CFAP100: variants seen among roughly 807,000 people sequenced by gnomAD.
The protein encoded by CFAP100 is cilia and flagella associated protein 100, also known as cilia- and flagella-associated protein 100.
CFAP100 carries 70 observed loss-of-function variants against 81.5 expected under a neutral mutation model. The observed-to-expected ratio is 0.86, with a 90% CI of 0.71 to 1.05. CFAP100 has a LOEUF of 1.05. Ranked by LOEUF, CFAP100 falls within the 50% of genes least tolerant of loss-of-function variation. The probability of loss-of-function intolerance (pLI) is 0.00; values close to 1 mark genes in which losing one functional copy is unlikely to be tolerated. For missense variants in CFAP100, 811 were observed against 776.5 expected, an observed-to-expected ratio of 1.04 and a Z score of -0.53; for synonymous variants, 341 against 314.8, an observed-to-expected ratio of 1.08 and a Z score of -0.88.
rs1273187349 is a variant in CFAP100 at position 126,418,457 on chromosome 3, G to T, written c.419-1G>T. 6.2e-7 allele frequency: 1 copy of T among 1,614,038 alleles called. No homozygotes were observed. Among genetic ancestry groups the T allele is most frequent in the Admixed American group, 1.7e-5 (1 of 60,026 alleles). On this transcript the variant is annotated splice_acceptor_variant, in intron 5 of 16. Coordinates refer to ENST00000352312, the MANE Select transcript of CFAP100 (RefSeq NM_182628.3). LOFTEE classifies it high-confidence loss of function. ...TGCTCACCTCCCTCTTCTTCCAGCA[G>T]AAAAGAATGTGGAGCCTGAGAACAT...
intron 3 of CFAP100, among the ~76,000 whole-genome samples, chr3:126,411,562 A>T (rs2083156756): frequency 6.6e-6 from 1 of 150,728 alleles, no homozygotes; most frequent in African/African-American, 2.4e-5. Context: ...TTTTGTTGGC[A>T]ATTTTTAAAT....
intron 13 of CFAP100, among the ~76,000 whole-genome samples, chr3:126,431,248 A>T (rs1197804692): frequency 1.3e-5 from 2 of 152,224 alleles, no homozygotes; most frequent in African/African-American, 4.8e-5. Flanking sequence ...GGGTGCTATC[A>T]GCCCCTGTGC....
In CFAP100 at chr3:126,418,751, C is replaced by T. The variant is rs1475485072; in HGVS notation, c.627C>T (p.Cys209=). The T allele has an allele frequency of 6.3e-7, 1 of 1,595,642 alleles. No homozygotes were observed. Among genetic ancestry groups the T allele is most frequent in the South Asian group, 1.1e-5 (1 of 87,798 alleles). ...ACGAGTTCGTCAGGGAGAATGACTG[C>T]AGCTCCGTGCAGGCCATGAGAGCGT... is the stretch of plus-strand genomic sequence containing the variant. The part of the protein sequence containing the change: ...LFDEFVREND[C]SSVQAMRAAE... The change falls in exon 7 of 17, where the codon TGC becomes TGT. Residue 209 remains cysteine (C), a synonymous_variant. Transcript: ENST00000352312.
At chr3:126,424,203 C>T (rs532877508) in intron 13 of CFAP100, among the ~76,000 whole-genome samples, 41 of 152,326 alleles carry the variant, frequency 2.7e-4, no homozygotes, top group Non-Finnish European at 5.0e-4. Flanking sequence ...TGGGTGCAGC[C>T]CTGAGCACGA....
intron 2 of CFAP100, among the ~76,000 whole-genome samples, chr3:126,405,704 G>C (rs1184455619): frequency 6.6e-6 from 1 of 152,106 alleles, no homozygotes; most frequent in African/African-American, 2.4e-5. Context: ...TAGGTAGCAA[G>C]AGCTTCAGGT....
chr3:126,408,831 G>C (rs1560066002), intron 3 of CFAP100, among the ~76,000 whole-genome samples: 4 of 152,182 alleles, frequency 2.6e-5, no homozygotes. Context: ...CACCCAGGCT[G>C]AGGTGCAGGT....
In CFAP100 at chr3:126,410,188, G is replaced by A. The variant is rs567344868; in HGVS notation, c.130+2936G>A. 7.9e-5 allele frequency among the ~76,000 whole-genome samples: 12 copies of A among 152,202 alleles called. No homozygotes were observed. In the East Asian group the frequency reaches 1.5e-3, roughly 20 times the overall value. On this transcript the variant is annotated intron_variant, in intron 3 of 16. Coordinates refer to ENST00000352312, the MANE Select transcript of CFAP100 (RefSeq NM_182628.3). ...TGCACTCCAGTCTGGGCAAAAGAGC[G>A]AGACTCCGTCTCAAAAAAAAAAGTT... is the stretch of plus-strand genomic sequence containing the variant.
Position 126,416,358 on chromosome 3 carries a change from A to G in CFAP100, c.268A>G (p.Thr90Ala), listed in dbSNP as rs1328753331. The stretch of plus-strand genomic sequence containing the variant: ...GACGATGCGGGTGCACCAGAAGATG[A>G]CCTACTCCTCGAAAGTGTCGGCTAA... ...QKTMRVHQKM[T>A]YSSKVSAKHT... Residue 90 changes from threonine (T) to alanine (A), a missense_variant, in exon 5 of 17, where the codon ACC (threonine) becomes GCC (alanine). Physicochemically the swap from Thr to Ala is moderately conservative, Grantham distance 58 (BLOSUM62 0). Coordinates refer to ENST00000352312, the MANE Select transcript of CFAP100 (RefSeq NM_182628.3). 1 of 1,608,860 alleles carries G rather than the reference A, an allele frequency of 6.2e-7. No homozygotes were observed. The highest frequency in any genetic ancestry group is 1.3e-5 in the African/African-American group (1 of 74,758).
At chr3:126,417,114 G>C (rs920867607) in intron 5 of CFAP100, among the ~76,000 whole-genome samples, 1 of 152,226 alleles carries the variant, frequency 6.6e-6, no homozygotes, top group Non-Finnish European at 1.5e-5. Context: ...TCCTAAGAAA[G>C]AGCATGGAGC....
Position 126,416,464 on chromosome 3 carries a change from G to A in CFAP100, c.374G>A (p.Arg125His), listed in dbSNP as rs781304320. The A allele has an allele frequency of 6.2e-7, 1 of 1,607,070 alleles. No individual in the cohort carries two copies. Residue 125 changes from arginine (R) to histidine (H), a missense_variant, in exon 5 of 17, where the codon CGC (arginine) becomes CAC (histidine). Physicochemically the swap from Arg to His is conservative, Grantham distance 29. Coordinates refer to ENST00000352312, the MANE Select transcript of CFAP100 (RefSeq NM_182628.3). ...GCGCGCGCCGAGGCCGAGCATCAGC[G>A]CGCCTTCCGCGACTACACGACCTGG... Reference protein sequence around the residue: ...LEARAEAEHQRAFRDYTTWKL... With the variant: ...LEARAEAEHQHAFRDYTTWKL...
chr3:126,411,712 G>A (rs1424068545), intron 3 of CFAP100, among the ~76,000 whole-genome samples: 2 of 152,176 alleles, frequency 1.3e-5, no homozygotes, highest in South Asian at 2.1e-4. Context: ...GTTCGTAGTA[G>A]TCTTAAATGA....
At position 126,434,122 on chromosome 3, in the gene CFAP100, A is replaced by T. The variant is rs545459387; in HGVS notation, c.1423-54A>T. The T allele has an allele frequency of 1.3e-6, 2 of 1,528,444 alleles. 1 individual carries two copies. The highest frequency in any genetic ancestry group is 2.4e-5 in the South Asian group (2 of 82,222). 94.7% of individuals were successfully genotyped at this position (1,528,444 alleles called of 1,614,324 possible). On this transcript the variant is annotated intron_variant, in intron 14 of 16. Coordinates refer to ENST00000352312, the MANE Select transcript of CFAP100 (RefSeq NM_182628.3). ...GCAGGCCACCGCTGAAGGCACTGGC[A>T]TGGGGGTGGGTTTCCGCCTGCCAGC...
intron 11 of CFAP100, among the ~76,000 whole-genome samples, chr3:126,422,215 A>G (rs554365423): frequency 6.6e-6 from 1 of 152,302 alleles, no homozygotes; most frequent in African/African-American, 2.4e-5. Context: ...ATCCATCTGG[A>G]GGGTGGATTA....
Position 126,414,129 on chromosome 3 carries a change from G to A in CFAP100, c.175G>A (p.Asp59Asn), listed in dbSNP as rs775961848. The change falls in exon 4 of 17, where the codon GAT becomes AAT. Residue 59 changes from aspartate (D) to asparagine (N), a missense_variant. Transcript: ENST00000352312. Reference protein sequence around the residue: ...PSANPFHLSGDVDFFLLRDQE... With the variant: ...PSANPFHLSGNVDFFLLRDQE... ...AGCGAACCCTTTCCACTTATCTGGG[G>A]ATGTGGATTTCTTCTTGCTCAGAGA... is the stretch of plus-strand genomic sequence containing the variant. The A allele has an allele frequency of 6.2e-7, 1 of 1,614,146 alleles. No homozygotes were observed. Among genetic ancestry groups the A allele is most frequent in the East Asian group, 2.2e-5 (1 of 44,876 alleles).
chr3:126,423,566 C>G lies in CFAP100; in HGVS notation c.1208C>G (p.Ser403Trp). ...CGAGAGCTGGAGGAGCAGAACCTGT[C>G]GCTGATCCAGAACAGCCAGGAGACG... is the stretch of plus-strand genomic sequence containing the variant. ...VFRELEEQNL[S>W]LIQNSQETEK... The change falls in exon 13 of 17, where the codon TCG becomes TGG. Residue 403 changes from serine (S) to tryptophan (W), a missense_variant. By Grantham distance (177) the Ser-to-Trp change is radical (BLOSUM62 -3). Coordinates refer to ENST00000352312, the MANE Select transcript of CFAP100 (RefSeq NM_182628.3). 3 of 1,613,934 alleles carry G rather than the reference C, an allele frequency of 1.9e-6. No homozygotes were observed. The South Asian group carries it at 3.3e-5, about 18-fold the overall frequency.
intron 16 of CFAP100, 133 bp downstream of exon 16, chr3:126,435,785 G>A (rs1479793373): frequency 1.0e-5 from 7 of 678,388 alleles, no homozygotes. Flanking sequence ...GAGACAGGCT[G>A]CCTTCGGAGC....
At position 126,415,020 on chromosome 3, in the gene CFAP100, C is replaced by T. The variant is rs549694093; in HGVS notation, c.225+841C>T. ...CTCCACATCAGAGACCAGGGCTGGG[C>T]CTGTGGGCTGTGATTCCTAGACTGG... On this transcript the variant is annotated intron_variant, in intron 4 of 16. Coordinates refer to ENST00000352312, the MANE Select transcript of CFAP100 (RefSeq NM_182628.3). Among the ~76,000 whole-genome samples the T allele has an allele frequency of 5.3e-5, 8 of 152,302 alleles. No homozygotes were observed. The East Asian group carries it at 1.5e-3, about 29-fold the overall frequency.
chr3:126,430,521 CTT>C (rs547351321), intron 13 of CFAP100, among the ~76,000 whole-genome samples: 1 of 151,000 alleles, frequency 6.6e-6, no homozygotes, highest in Admixed American at 6.6e-5. Flanking sequence ...ATACTTTGCC[CTT>C]TCTCTCTCTC....
At position 126,422,050 on chromosome 3, in the gene CFAP100, CCCCT is replaced by C. The variant is rs554318692; in HGVS notation, c.1083-1272_1083-1269del. On this transcript the variant is annotated intron_variant, in intron 11 of 16. Transcript: ENST00000352312. The stretch of plus-strand genomic sequence containing the variant: ...ACACTGTCCTGGGTTTCAATCCTGG[CCCCT>C]CCATCTATTTGCCAGGTGACCAGGG... Among the ~76,000 whole-genome samples, 21 of 152,350 alleles carry C rather than the reference CCCCT, an allele frequency of 1.4e-4. No homozygotes were observed. In the South Asian group the frequency reaches 4.4e-3, roughly 32 times the overall value.
Sources: allele counts gnomAD v4.1 joint callset (sites outside exome capture counted in the v4.1 genomes callset), GRCh38; gene constraint gnomAD v4.1.1; transcripts MANE v1.5; gene names NCBI Gene and HGNC (gene_info 2026-07-23, HGNC 2026-07-21).